The following DMD variants were observed in gnomAD, a reference collection of about 807,000 sequenced individuals.
DMD encodes the protein mutant dystrophin.
A neutral mutation model predicts 330.1 loss-of-function variants in DMD; 63 were observed. That is an observed-to-expected ratio of 0.19 (90% CI 0.16 to 0.24). The LOEUF (loss-of-function observed/expected upper bound fraction) is 0.24, where lower values mean the gene tolerates loss of function less well. Among genes scored for constraint, DMD ranks in the 10% least tolerant of loss-of-function variants. The probability of loss-of-function intolerance (pLI) is 1.00; values close to 1 mark genes in which losing one functional copy is unlikely to be tolerated. For missense variants in DMD, 3,344 were observed against 2,684.1 expected (o/e 1.25, Z -5.43); for synonymous variants, 1,223 against 959.8 (o/e 1.27, Z -5.07).
At chrX:32,049,167 C>T in intron 44 of DMD, among the ~76,000 whole-genome samples, 1 of 111,352 alleles carries the variant, frequency 9.0e-6, no homozygotes, top group East Asian at 2.9e-4. Flanking sequence ...GACCTCAAAG[C>T]AAGGTCTAAT....
At chrX:31,293,738 C>T (rs1379270027) in intron 62 of DMD, among the ~76,000 whole-genome samples, 2 of 112,162 alleles carry the variant, frequency 1.8e-5, no homozygotes, top group Non-Finnish European at 3.8e-5. Context: ...AGACACAGAG[C>T]GGGGCTATGG....
intron 1 of DMD, among the ~76,000 whole-genome samples, chrX:33,100,014 A>T (rs1041549422): frequency 8.9e-6 from 1 of 112,213 alleles, no homozygotes; most frequent in African/African-American, 3.2e-5. Flanking sequence ...CACGCAACAT[A>T]AGAAGATAAA....
At chrX:32,168,844 AC>A (rs1429228033) in intron 44 of DMD, among the ~76,000 whole-genome samples, 2 of 111,737 alleles carry the variant, frequency 1.8e-5, no homozygotes, top group African/African-American at 6.5e-5. Flanking sequence ...AAGCTATTAG[AC>A]CCACATAAAT....
At chrX:32,473,823 C>A (rs2040913655) in intron 21 of DMD, among the ~76,000 whole-genome samples, 1 of 110,204 alleles carries the variant, frequency 9.1e-6, no homozygotes, top group Admixed American at 9.7e-5. Context: ...TCTCTATTAA[C>A]CTGATGCATT....
chrX:32,940,819 TA>T (rs1258707856), intron 2 of DMD, among the ~76,000 whole-genome samples: 5 of 111,543 alleles, frequency 4.5e-5, no homozygotes, highest in African/African-American at 1.6e-4. Context: ...CTAATTAAAC[TA>T]AAAAGCTTCT....
In DMD at chrX:31,230,640, C is replaced by T. The variant is rs371768666; in HGVS notation, c.9287-7519G>A. Among the ~76,000 whole-genome samples the T allele has an allele frequency of 1.1e-4, 11 of 103,132 alleles. No homozygotes were observed. The East Asian group carries it at 3.2e-3, about 30-fold the overall frequency. The allele number at this position is 103,132 out of a possible 115,157, so 89.6% of individuals were successfully genotyped here. A position where few individuals can be genotyped will look rare whatever the true frequency, so the allele number is the denominator to read the frequency against. ...CTTCAGCCTGGGCGACAGAATGAGA[C>T]TCCATCTCAAGAAAAAAAAAAAAGG... On this transcript the variant is annotated intron_variant, in intron 63 of 78. Coordinates refer to ENST00000357033, the MANE Select transcript of DMD (RefSeq NM_004006.3).
chrX:33,073,447 C>A (rs2094790145), intron 1 of DMD, among the ~76,000 whole-genome samples: 1 of 111,599 alleles, frequency 9.0e-6, no homozygotes, highest in African/African-American at 3.3e-5. Context: ...TTGATCAGGC[C>A]CAACTGCCAA....
intron 43 of DMD, among the ~76,000 whole-genome samples, chrX:32,270,182 G>GA (rs2097360402): frequency 8.9e-6 from 1 of 112,362 alleles, no homozygotes; most frequent in Admixed American, 9.5e-5. Context: ...CAAGTGTGCT[G>GA]AAGCACAAGG....
At chrX:33,334,537 T>C (rs1045475719) in intron 1 of DMD, among the ~76,000 whole-genome samples, 9 of 111,470 alleles carry the variant, frequency 8.1e-5, no homozygotes, top group Non-Finnish European at 1.3e-4. Context: ...GAGTCCTATA[T>C]AGCATATAAA....
intron 63 of DMD, among the ~76,000 whole-genome samples, chrX:31,227,317 A>G (rs976797034): frequency 2.5e-4 from 28 of 111,699 alleles, no homozygotes; most frequent in African/African-American, 8.1e-4. Flanking sequence ...TCAGGGCATG[A>G]ATATTAGTGT....
rs2094597769 is a variant in DMD, at chrX:33,062,753, A to G, written c.32-42553T>C. 5.3e-5 allele frequency among the ~76,000 whole-genome samples: 6 copies of G among 113,011 alleles called. 1 individual carries two copies. The South Asian group carries it at 2.2e-3, about 41-fold the overall frequency. The stretch of plus-strand genomic sequence containing the variant: ...CGGCCTCCCAAAGTGCTGGGATAAC[A>G]GGCGTGCGCCATTGAGCCTGGCTAT... On this transcript the variant is annotated intron_variant, in intron 1 of 78. Coordinates refer to ENST00000357033, the MANE Select transcript of DMD (RefSeq NM_004006.3).
intron 52 of DMD, among the ~76,000 whole-genome samples, chrX:31,680,715 G>A (rs2082335318): frequency 9.0e-6 from 1 of 111,040 alleles, no homozygotes; most frequent in African/African-American, 3.3e-5. Flanking sequence ...CACGCTGGGT[G>A]CATTTTGTAA....
At chrX:31,875,726 G>C (rs1176120460) in intron 47 of DMD, among the ~76,000 whole-genome samples, 2 of 112,249 alleles carry the variant, frequency 1.8e-5, no homozygotes, top group Non-Finnish European at 3.8e-5. Flanking sequence ...CTGGTGTGTT[G>C]TGTATTATAT....
At chrX:31,490,345 G>A (rs1185062326) in intron 57 of DMD, among the ~76,000 whole-genome samples, 4 of 111,264 alleles carry the variant, frequency 3.6e-5, no homozygotes, top group African/African-American at 6.6e-5. Context: ...GGTGGATCAC[G>A]AGGTCAGGAG....
rs2052958774 is a variant in DMD, at chrX:33,261,666, A to ACG, written c.7+77591_7+77592dup. 2.8e-5 allele frequency among the ~76,000 whole-genome samples: 3 copies of ACG among 108,166 alleles called. No homozygotes were observed. The South Asian group carries it at 1.2e-3, about 43-fold the overall frequency. 93.9% of individuals were successfully genotyped at this position (108,166 alleles called of 115,157 possible). A position where few individuals can be genotyped will look rare whatever the true frequency, so the allele number is the denominator to read the frequency against. ...CACACACACACACACACACACACACACGCCATGAAGGCAGAAGCAGCCCAA... is the reference window on the plus strand; with the variant it reads ...CACACACACACACACACACACACACACGCGCCATGAAGGCAGAAGCAGCCCAA... On this transcript the variant is annotated intron_variant, in intron 1 of 17. Transcript: ENST00000288447.
chrX:32,945,300 G>T (rs2090723773), intron 2 of DMD, among the ~76,000 whole-genome samples: 1 of 111,367 alleles, frequency 9.0e-6, no homozygotes, highest in Non-Finnish European at 1.9e-5. Context: ...TGTTAAAAGA[G>T]AAATTAGCAT....
In DMD at chrX:32,926,412, A is replaced by G. The variant is rs190099456; in HGVS notation, c.94-76592T>C. 2.0e-4 allele frequency among the ~76,000 whole-genome samples: 22 copies of G among 111,949 alleles called. No homozygotes were observed. The East Asian group carries it at 4.2e-3, about 21-fold the overall frequency. On this transcript the variant is annotated intron_variant, in intron 2 of 78. Coordinates refer to ENST00000357033, the MANE Select transcript of DMD (RefSeq NM_004006.3). ...GTTGATTCTACAGGTGGTTCATAAC[A>G]ATGTATTATACTCTTGAAAATTGCT...
intron 2 of DMD, among the ~76,000 whole-genome samples, chrX:32,976,821 T>C (rs2092565441): frequency 9.0e-6 from 1 of 111,553 alleles, no homozygotes; most frequent in Non-Finnish European, 1.9e-5. Flanking sequence ...TGTCCTTTGA[T>C]TTATTTTTTA....
rs765810983 is a variant in DMD, at chrX:32,412,166, A to AGGAAATAGGCT, written c.4072-264_4072-254dup. 8.1e-6 allele frequency: 9 copies of AGGAAATAGGCT among 1,117,368 alleles called. No homozygotes were observed. In the Admixed American group the frequency reaches 2.2e-4, roughly 27 times the overall value. 92.1% of individuals were successfully genotyped at this position (1,117,368 alleles called of 1,213,427 possible). On this transcript the variant is annotated intron_variant, in intron 29 of 78. Transcript: ENST00000357033. ...ATCAATCACAATATCACGTACATTA[A>AGGAAATAGGCT]GGAAATAGGCTGGAAAAAAAATTAG... is the stretch of plus-strand genomic sequence containing the variant.
Sources: allele counts gnomAD v4.1 joint callset (sites outside exome capture counted in the v4.1 genomes callset), GRCh38; gene constraint gnomAD v4.1.1; transcripts MANE v1.5; gene names NCBI Gene and HGNC (gene_info 2026-07-23, HGNC 2026-07-21).